The following PSMD3 variants were observed in gnomAD, a reference collection of about 807,000 sequenced individuals.
The protein encoded by PSMD3 is 26S proteasome non-ATPase regulatory subunit 3.
Under a neutral mutation model 62.8 loss-of-function variants are expected in PSMD3, and 5 were observed. That is an observed-to-expected ratio of 0.08 (90% CI 0.04 to 0.17). The LOEUF (loss-of-function observed/expected upper bound fraction) is 0.17, where lower values mean the gene tolerates loss of function less well. Among genes scored for constraint, PSMD3 ranks in the 10% least tolerant of loss-of-function variants. The pLI is 1.00. For missense variants in PSMD3, 524 were observed against 713.6 expected, an observed-to-expected ratio of 0.73 and a Z score of 3.03; for synonymous variants, 265 against 283.9, an observed-to-expected ratio of 0.93 and a Z score of 0.67.
chr17:39,986,804 T>C, intron 3 of PSMD3, 92 bp downstream of exon 3: 1 of 1,479,196 alleles, frequency 6.8e-7, no homozygotes, highest in East Asian at 2.3e-5. Flanking sequence ...ATGGAAATAA[T>C]CATTGATTCT....
chr17:39,987,278 A>G (rs1208122696), intron 3 of PSMD3, among the ~76,000 whole-genome samples: 1 of 152,216 alleles, frequency 6.6e-6, no homozygotes. Flanking sequence ...TCACAGGAGC[A>G]CACTCAGGAA....
At position 39,990,206 on chromosome 17, in the gene PSMD3, C is replaced by T; in HGVS notation, c.981+9C>T. ...TCGGCTTCAAACAGACGGTGAGCCA[C>T]AACTACCATCATCCCTTTGCCTCTT... On this transcript the variant is annotated intron_variant, in intron 6 of 11. Coordinates refer to ENST00000264639, the MANE Select transcript of PSMD3 (RefSeq NM_002809.4). 1.3e-6 allele frequency: 2 copies of T among 1,532,764 alleles called. No homozygotes were observed. The highest frequency in any genetic ancestry group is 1.1e-5 in the South Asian group (1 of 88,410). 94.9% of individuals were successfully genotyped at this position (1,532,764 alleles called of 1,614,324 possible). A position where few individuals can be genotyped will look rare whatever the true frequency, so the allele number is the denominator to read the frequency against.
chr17:39,997,833 G>A lies in PSMD3; in HGVS notation c.*252G>A, dbSNP rs910922977. The A allele has an allele frequency of 1.6e-5, 9 of 565,036 alleles. No individual in the cohort carries two copies. Among genetic ancestry groups the A allele is most frequent in the Admixed American group, 1.2e-4 (4 of 32,848 alleles). The allele number at this position is 565,036 out of a possible 1,614,324, so 35.0% of individuals were successfully genotyped here. Reference sequence around the variant, plus strand: ...CAGGGTCCTGGCCAGCAGTGTGGGAGCAGGAGGGGAAGGATAGTTCTGTGT... The same window carrying A: ...CAGGGTCCTGGCCAGCAGTGTGGGAACAGGAGGGGAAGGATAGTTCTGTGT... On this transcript the variant is annotated 3_prime_UTR_variant, in exon 12 of 12. Coordinates refer to ENST00000264639, the MANE Select transcript of PSMD3 (RefSeq NM_002809.4).
Position 39,990,082 on chromosome 17 carries a change from C to G in PSMD3, c.878-12C>G. On this transcript the variant is annotated splice_polypyrimidine_tract_variant and intron_variant, in intron 5 of 11. Coordinates refer to ENST00000264639, the MANE Select transcript of PSMD3 (RefSeq NM_002809.4). ...TACTCTGTTGACCAACTCTCCTCTC[C>G]TCCACTCCCAGGGCGAATCAAAGCC... is the stretch of plus-strand genomic sequence containing the variant. The G allele has an allele frequency of 6.2e-7, 1 of 1,613,270 alleles. No homozygotes were observed. Among genetic ancestry groups the G allele is most frequent in the South Asian group, 1.1e-5 (1 of 91,066 alleles).
rs111950385 is a variant in PSMD3 at position 39,985,510 on chromosome 17, C to T, written c.411+1026C>T. ...CTTATCCTCTGTAGCTGTAAACTCT[C>T]CCTCATGATTCATGGCATGGGCCAG... On this transcript the variant is annotated intron_variant, in intron 2 of 11. Transcript: ENST00000264639. 5.1e-3 allele frequency among the ~76,000 whole-genome samples: 773 copies of T among 152,284 alleles called. 2 individuals are homozygous for T. The highest frequency in any genetic ancestry group is 0.018 in the African/African-American group (731 of 41,522).
intron 3 of PSMD3, 70 bp from the exon 4 acceptor site, chr17:39,988,613 C>A: frequency 6.4e-7 from 1 of 1,556,016 alleles, no homozygotes; most frequent in South Asian, 1.2e-5. Flanking sequence ...GAATTGCTGG[C>A]TCAAATGACA....
intron 1 of PSMD3, among the ~76,000 whole-genome samples, chr17:39,983,586 TAC>T (rs576421210): frequency 4.6e-5 from 7 of 152,220 alleles, no homozygotes; most frequent in African/African-American, 7.2e-5. Flanking sequence ...TTCTTTTGTA[TAC>T]ACAGTTATCT....
chr17:39,985,515 A>C (rs1980503175), intron 2 of PSMD3, among the ~76,000 whole-genome samples: 1 of 152,204 alleles, frequency 6.6e-6, no homozygotes. Context: ...ACTCTCCCTC[A>C]TGATTCATGG....
chr17:39,993,546 C>CT (rs1407664456), intron 6 of PSMD3: 2 of 152,374 alleles, frequency 1.3e-5, no homozygotes, highest in East Asian at 1.9e-4. Flanking sequence ...ATCTCTGACT[C>CT]TCCCCCATCC....
chr17:39,993,398 C>T (rs1389734396), intron 6 of PSMD3: 1 of 152,222 alleles, frequency 6.6e-6, no homozygotes, highest in Non-Finnish European at 1.5e-5. Flanking sequence ...ACCCCTCTCA[C>T]GAGCATCAGG....
chr17:39,981,803 TA>T (rs1277431905), intron 1 of PSMD3, among the ~76,000 whole-genome samples: 1 of 151,574 alleles, frequency 6.6e-6, no homozygotes, highest in African/African-American at 2.4e-5. Flanking sequence ...CATACACACT[TA>T]AAACTTTTCG....
intron 1 of PSMD3, among the ~76,000 whole-genome samples, chr17:39,983,658 C>T (rs1980440230): frequency 6.6e-6 from 1 of 151,956 alleles, no homozygotes; most frequent in Non-Finnish European, 1.5e-5. Flanking sequence ...GTGATTTCTC[C>T]CATTGTTCAC....
chr17:39,984,734 C>A (rs542885881), intron 2 of PSMD3, among the ~76,000 whole-genome samples: 17 of 152,184 alleles, frequency 1.1e-4, no homozygotes, highest in Admixed American at 1.1e-3. Flanking sequence ...GCAACCTGTA[C>A]CCCCTACTCC....
rs1486255678 is a variant in PSMD3 at position 39,981,133 on chromosome 17, A to ACGGCGG, written c.168_173dup (p.Ala59_Ala60dup). 1.9e-6 allele frequency: 3 copies of ACGGCGG among 1,550,458 alleles called. No individual in the cohort carries two copies. Among genetic ancestry groups the ACGGCGG allele is most frequent in the Non-Finnish European group, 2.6e-6 (3 of 1,146,652 alleles). On this transcript the variant is annotated inframe_insertion, in exon 1 of 12. Coordinates refer to ENST00000264639, the MANE Select transcript of PSMD3 (RefSeq NM_002809.4). ...GTCGACGGGGGAGGCAGACGGCAAG[A>ACGGCGG]CGGCGGCGGCAGCGGCTGAGCACTC...
chr17:39,994,673 A>C (rs1980738629), intron 6 of PSMD3: 3 of 442,530 alleles, frequency 6.8e-6, no homozygotes, highest in Non-Finnish European at 1.3e-5. Flanking sequence ...GAGCACTGTC[A>C]TTTCAGAGCA....
At chr17:39,981,727 A>G (rs774477678) in intron 1 of PSMD3, among the ~76,000 whole-genome samples, 13 of 152,180 alleles carry the variant, frequency 8.5e-5, no homozygotes, top group Non-Finnish European at 1.9e-4. Flanking sequence ...AAGTGTCCCA[A>G]CAGTCCCCTT....
In PSMD3 at chr17:39,980,932, C is replaced by T. The variant is rs776569029; in HGVS notation, c.-39C>T. The T allele has an allele frequency of 8.2e-6, 12 of 1,458,462 alleles. No individual in the cohort carries two copies. In the East Asian group the frequency reaches 2.7e-4, roughly 33 times the overall value. The allele number at this position is 1,458,462 out of a possible 1,614,324, so 90.3% of individuals were successfully genotyped here. ...CGGTGCGAGGGTTAACGCGAGGCCCCGGCCTCGGTCCCCGGACTAGGCCGT... is the reference window on the plus strand; with the variant it reads ...CGGTGCGAGGGTTAACGCGAGGCCCTGGCCTCGGTCCCCGGACTAGGCCGT... On this transcript the variant is annotated 5_prime_UTR_variant, in exon 1 of 12. Coordinates refer to ENST00000264639, the MANE Select transcript of PSMD3 (RefSeq NM_002809.4).
At chr17:39,982,509 C>CGA (rs1463544384) in intron 1 of PSMD3, among the ~76,000 whole-genome samples, 1 of 152,166 alleles carries the variant, frequency 6.6e-6, no homozygotes, top group Admixed American at 6.5e-5. Flanking sequence ...CATTAACATT[C>CGA]GTAAACATAA....
At chr17:39,997,221 G>A (rs1158260663) in intron 10 of PSMD3, 109 bp from the exon 11 acceptor site, 7 of 1,056,066 alleles carry the variant, frequency 6.6e-6, no homozygotes, top group Admixed American at 1.7e-5. Context: ...GGGGCCCGCC[G>A]CTTCCTGCCT....
Sources: gnomAD v4.1 joint callset for allele counts (sites outside exome capture counted in the v4.1 genomes callset) on GRCh38, gnomAD v4.1.1 for gene constraint, MANE v1.5 for transcripts, NCBI Gene and HGNC (gene_info 2026-07-23, HGNC 2026-07-21) for gene names.